KAZN: variants seen among roughly 807,000 people sequenced by gnomAD.
KAZN encodes the protein kazrin.
KAZN carries 40 observed loss-of-function variants against 87.4 expected under a neutral mutation model. That is an observed-to-expected ratio of 0.46 (90% CI 0.36 to 0.60). The LOEUF (loss-of-function observed/expected upper bound fraction) is 0.60, where lower values mean the gene tolerates loss of function less well. KAZN is among the 20% of genes least tolerant of loss of function. The pLI is 0.00. For missense variants in KAZN, 898 were observed against 1,073.9 expected, an observed-to-expected ratio of 0.84 and a Z score of 2.29; for synonymous variants, 466 against 458.3, an observed-to-expected ratio of 1.02 and a Z score of -0.22.
Position 14,741,048 on chromosome 1 carries a change from A to G in KAZN, c.226+141825A>G, listed in dbSNP as rs1644083432. 2.0e-5 allele frequency among the ~76,000 whole-genome samples: 3 copies of G among 152,126 alleles called. No homozygotes were observed. The East Asian group carries it at 5.8e-4, about 29-fold the overall frequency. On this transcript the variant is annotated intron_variant, in intron 1 of 14. Coordinates refer to ENST00000376030, the MANE Select transcript of KAZN (RefSeq NM_201628.3). ...GCAGCCTCCAGGCAGCTGGGGCAGG[A>G]TCATGCCCTCACTCTCTCCCTTGTG...
chr1:15,080,743 G>T lies in KAZN; in HGVS notation c.1223-13437G>T, dbSNP rs546553099. On this transcript the variant is annotated intron_variant, in intron 8 of 14. Coordinates refer to ENST00000376030, the MANE Select transcript of KAZN (RefSeq NM_201628.3). Reference sequence around the variant, plus strand: ...GAGGCTCCCCTGCCACTTCCCAAGGGCAGGGAGTGTTGACAGTAGTTGGCT... The same window carrying T: ...GAGGCTCCCCTGCCACTTCCCAAGGTCAGGGAGTGTTGACAGTAGTTGGCT... 3.9e-5 allele frequency among the ~76,000 whole-genome samples: 6 copies of T among 152,352 alleles called. No individual in the cohort carries two copies. The South Asian group carries it at 6.2e-4, about 16-fold the overall frequency.
intron 1 of KAZN, among the ~76,000 whole-genome samples, chr1:14,864,583 G>A (rs1448353409): frequency 1.3e-5 from 2 of 152,086 alleles, no homozygotes; most frequent in East Asian, 1.9e-4. Flanking sequence ...ACAAACAAAC[G>A]ATGGGCTTTG....
At chr1:13,908,891 A>T (rs1265232790) in intron 1 of KAZN, among the ~76,000 whole-genome samples, 2 of 152,196 alleles carry the variant, frequency 1.3e-5, no homozygotes, top group African/African-American at 4.8e-5. Flanking sequence ...GAGCTGGAGA[A>T]CATAAAATAA....
At position 14,923,996 on chromosome 1, in the gene KAZN, G is replaced by C; in HGVS notation, c.227-36688G>C. Reference sequence around the variant, plus strand: ...AGTGGCGGGGGCCGGGCGCACAACGGGGCGACGCGGCGGCGCTCCCCGGGC... The same window carrying C: ...AGTGGCGGGGGCCGGGCGCACAACGCGGCGACGCGGCGGCGCTCCCCGGGC... On this transcript the variant is annotated intron_variant, in intron 1 of 14. Transcript: ENST00000376030. This position sits in a 1 kb window ranked among gnomAD's most constrained non-coding sequence, Gnocchi z 4.2. 1 of 468,476 alleles carries C rather than the reference G, an allele frequency of 2.1e-6. No homozygotes were observed. Among genetic ancestry groups the C allele is most frequent in the Non-Finnish European group, 2.8e-6 (1 of 358,348 alleles). 29.0% of individuals were successfully genotyped at this position (468,476 alleles called of 1,614,324 possible). A position where few individuals can be genotyped will look rare whatever the true frequency, so the allele number is the denominator to read the frequency against.
At chr1:14,765,479 G>T (rs1452673494) in intron 1 of KAZN, among the ~76,000 whole-genome samples, 1 of 152,212 alleles carries the variant, frequency 6.6e-6, no homozygotes, top group Non-Finnish European at 1.5e-5. Context: ...GCCCCTCAGA[G>T]GTGGGGTTTC....
chr1:14,420,491 C>CTCCTCAGCCCTTGG (rs1254002151), intron 2 of KAZN, among the ~76,000 whole-genome samples: 2 of 152,228 alleles, frequency 1.3e-5, no homozygotes, highest in East Asian at 3.9e-4. Context: ...TGCACCCACA[C>CTCCTCAGCCCTTGG]TCCTCAGCCC....
chr1:15,047,812 G>A (rs1673742323), intron 4 of KAZN, among the ~76,000 whole-genome samples: 1 of 152,112 alleles, frequency 6.6e-6, no homozygotes, highest in East Asian at 1.9e-4. Context: ...TGGGGAGCCA[G>A]GCCCGGGGGG....
chr1:14,900,646 C>G (rs549833493), intron 1 of KAZN, among the ~76,000 whole-genome samples: 1 of 150,462 alleles, frequency 6.6e-6, no homozygotes, highest in Non-Finnish European at 1.5e-5. Flanking sequence ...CCCAACTACT[C>G]GGGAGGCTGA....
chr1:14,358,627 T>G lies in KAZN; in HGVS notation c.249+178035T>G, dbSNP rs181366429. ...CCAGAGATTCTGGTACATTGTGTCT[T>G]TGTTCTCATTGGTTTCAAATAACTT... On this transcript the variant is annotated intron_variant, in intron 2 of 16. Coordinates refer to the KAZN transcript ENST00000636203. Among the ~76,000 whole-genome samples the G allele has an allele frequency of 3.5e-4, 54 of 152,312 alleles. No homozygotes were observed. The East Asian group carries it at 0.01, about 29-fold the overall frequency.
intron 2 of KAZN, among the ~76,000 whole-genome samples, chr1:14,982,704 C>T (rs752430514): frequency 8.5e-5 from 13 of 152,094 alleles, no homozygotes; most frequent in Non-Finnish European, 1.9e-4. Flanking sequence ...GGATTACAGG[C>T]GTGAGCCACT....
chr1:14,122,624 C>A (rs1330317881), intron 1 of KAZN, among the ~76,000 whole-genome samples: 1 of 152,128 alleles, frequency 6.6e-6, no homozygotes, highest in Non-Finnish European at 1.5e-5. Context: ...ATTATTAAGC[C>A]ACAGTAGAAG....
At chr1:14,370,226 C>T (rs1660365192) in intron 2 of KAZN, among the ~76,000 whole-genome samples, 1 of 152,186 alleles carries the variant, frequency 6.6e-6, no homozygotes, top group Non-Finnish European at 1.5e-5. Context: ...GATGGGCCAT[C>T]CTGGCTAGTG....
intron 1 of KAZN, among the ~76,000 whole-genome samples, chr1:13,982,728 T>G (rs1638795960): frequency 6.6e-6 from 1 of 152,114 alleles, no homozygotes; most frequent in African/African-American, 2.4e-5. Context: ...ATACAGAGTA[T>G]CAACACAAAG....
intron 2 of KAZN, among the ~76,000 whole-genome samples, chr1:14,564,407 G>T: frequency 6.6e-6 from 1 of 152,102 alleles, no homozygotes; most frequent in Non-Finnish European, 1.5e-5. Flanking sequence ...GCAGCACTGG[G>T]TAGGTTTTTT....
chr1:13,961,557 C>T (rs1459355248), intron 1 of KAZN, among the ~76,000 whole-genome samples: 1 of 152,220 alleles, frequency 6.6e-6, no homozygotes, highest in African/African-American at 2.4e-5. Context: ...CTCTCTGTCT[C>T]TTTCTCCACT....
chr1:14,916,179 T>TTTC (rs1190033476), intron 1 of KAZN, among the ~76,000 whole-genome samples: 2 of 146,706 alleles, frequency 1.4e-5, no homozygotes, highest in Non-Finnish European at 3.0e-5. Flanking sequence ...TCTTTTTTTT[T>TTTC]TTTTTTTTTT....
chr1:15,028,164 C>G (rs1671355180), intron 2 of KAZN, among the ~76,000 whole-genome samples: 3 of 152,364 alleles, frequency 2.0e-5, no homozygotes, highest in Middle Eastern at 6.8e-3. Context: ...GTGGCCACCT[C>G]TGAGTTGGAA....
At chr1:14,241,175 C>T (rs1648903394) in intron 2 of KAZN, among the ~76,000 whole-genome samples, 1 of 152,190 alleles carries the variant, frequency 6.6e-6, no homozygotes, top group Non-Finnish European at 1.5e-5. Flanking sequence ...TTGGGTGGGG[C>T]AGCCTCTTTT....
At chr1:14,091,977 A>G (rs746588329) in intron 1 of KAZN, among the ~76,000 whole-genome samples, 37 of 152,232 alleles carry the variant, frequency 2.4e-4, no homozygotes, top group Non-Finnish European at 2.9e-4. Flanking sequence ...AATTTTTATG[A>G]TGATTATTGT....
Sources: gnomAD v4.1 joint callset for allele counts (sites outside exome capture counted in the v4.1 genomes callset) on GRCh38, gnomAD v4.1.1 for gene constraint, Gnocchi (gnomAD v3.1) non-coding constraint, MANE v1.5 for transcripts, NCBI Gene and HGNC (gene_info 2026-07-23, HGNC 2026-07-21) for gene names.